SPTLC2: variants seen among roughly 807,000 people sequenced by gnomAD.
The protein encoded by SPTLC2 is serine palmitoyltransferase 2.
A neutral mutation model predicts 62.0 loss-of-function variants in SPTLC2; 21 were observed. The observed-to-expected ratio is 0.34, with a 90% CI of 0.24 to 0.49. The LOEUF (loss-of-function observed/expected upper bound fraction) is 0.49, where lower values mean the gene tolerates loss of function less well. Among genes scored for constraint, SPTLC2 ranks in the 20% least tolerant of loss-of-function variants. The pLI, the probability that SPTLC2 is intolerant of heterozygous loss-of-function variation, is 0.99. For missense variants in SPTLC2, 511 were observed against 713.0 expected, an observed-to-expected ratio of 0.72 and a Z score of 3.23; for synonymous variants, 261 against 261.8, an observed-to-expected ratio of 1.00 and a Z score of 0.03.
chr14:77,557,262 A>T, intron 6 of SPTLC2, 116 bp from the exon 7 acceptor site: 1 of 938,288 alleles, frequency 1.1e-6, no homozygotes. Flanking sequence ...CAAAGGACAT[A>T]ATTAGAGTTG....
chr14:77,517,597 G>A (rs183607571), intron 11 of SPTLC2, among the ~76,000 whole-genome samples: 1 of 152,292 alleles, frequency 6.6e-6, no homozygotes, highest in Admixed American at 6.5e-5. Context: ...TTTAGTAAGG[G>A]AGAATCTCAG....
At chr14:77,527,945 T>A (rs758269555) in intron 9 of SPTLC2, among the ~76,000 whole-genome samples, 2 of 152,216 alleles carry the variant, frequency 1.3e-5, no homozygotes, top group Non-Finnish European at 2.9e-5. Flanking sequence ...AACAAAAACA[T>A]GTTTGAGCCT....
intron 4 of SPTLC2, among the ~76,000 whole-genome samples, chr14:77,571,821 C>T (rs968026316): frequency 6.6e-6 from 1 of 152,046 alleles, no homozygotes; most frequent in African/African-American, 2.4e-5. Flanking sequence ...GAGAGAGTCT[C>T]GCACTGTCGC....
chr14:77,513,085 G>C (rs2079341443), intron 11 of SPTLC2, among the ~76,000 whole-genome samples: 1 of 133,978 alleles, frequency 7.5e-6, no homozygotes, highest in African/African-American at 2.8e-5. Context: ...GAGTACAGTG[G>C]CACCATCTCG....
Position 77,563,892 on chromosome 14 carries a change from G to T in SPTLC2, c.757-1403C>A, listed in dbSNP as rs116131182. Reference sequence around the variant, plus strand: ...GAAACTTGTAACAGTAGTTGTGTTTGAAATTTTTATTATGCACATAGTATT... The same window carrying T: ...GAAACTTGTAACAGTAGTTGTGTTTTAAATTTTTATTATGCACATAGTATT... On this transcript the variant is annotated intron_variant, in intron 5 of 11. Coordinates refer to ENST00000216484, the MANE Select transcript of SPTLC2 (RefSeq NM_004863.4). Among the ~76,000 whole-genome samples, 1,430 of 152,234 alleles carry T rather than the reference G, an allele frequency of 9.4e-3. 22 individuals carry two copies. The highest frequency in any genetic ancestry group is 0.033 in the African/African-American group (1,354 of 41,526).
intron 9 of SPTLC2, among the ~76,000 whole-genome samples, chr14:77,531,127 C>T (rs1474846426): frequency 6.6e-6 from 1 of 152,146 alleles, no homozygotes; most frequent in Admixed American, 6.6e-5. Flanking sequence ...CTGCATCTTC[C>T]AAAGAGGGCA....
At chr14:77,515,923 G>A (rs924047589) in intron 11 of SPTLC2, among the ~76,000 whole-genome samples, 4 of 127,274 alleles carry the variant, frequency 3.1e-5, no homozygotes, top group African/African-American at 7.9e-5. Context: ...GTGTATAAAA[G>A]CACTAATTTT....
At position 77,591,714 on chromosome 14, in the gene SPTLC2, G is replaced by GTATA. The variant is rs1223879478; in HGVS notation, c.327+5471_327+5472insTATA. ...CTTCTGTATGTATGTATGTATGTAT[G>GTATA]TATGTATGTATGTATGTATTTATTT... On this transcript the variant is annotated intron_variant, in intron 2 of 11. Coordinates refer to ENST00000216484, the MANE Select transcript of SPTLC2 (RefSeq NM_004863.4). 2.8e-5 allele frequency among the ~76,000 whole-genome samples: 4 copies of GTATA among 143,278 alleles called. No homozygotes were observed. The East Asian group carries it at 7.9e-4, about 28-fold the overall frequency. The allele number at this position is 143,278 out of a possible 152,430, so 94.0% of individuals were successfully genotyped here.
In SPTLC2 at chr14:77,521,478, C is replaced by T. The variant is rs1414279990; in HGVS notation, c.1407G>A (p.Val469=). 6.2e-7 allele frequency: 1 copy of T among 1,614,170 alleles called. No individual in the cohort carries two copies. Among genetic ancestry groups the T allele is most frequent in the East Asian group, 2.2e-5 (1 of 44,872 alleles). ...IIYGNEDSPV[V]PLMLYMPAKI... The stretch of plus-strand genomic sequence containing the variant: ...TGGCAGGCATGTAGAGCATCAAAGG[C>T]ACTACTGGAGAGTCTTCATTTCCAT... The change falls in exon 10 of 12, where the codon GTG becomes GTA. Residue 469 remains valine, a synonymous_variant. Coordinates refer to ENST00000216484, the MANE Select transcript of SPTLC2 (RefSeq NM_004863.4).
At chr14:77,567,800 T>C (rs910465016) in intron 5 of SPTLC2, among the ~76,000 whole-genome samples, 2 of 31,390 alleles carry the variant, frequency 6.4e-5, no homozygotes, top group African/African-American at 1.3e-4. Context: ...TAATTTGTTT[T>C]TCTTTTTCTA....
At chr14:77,518,006 A>C (rs1479926146) in intron 11 of SPTLC2, 32 bp downstream of exon 11, 9 of 1,614,064 alleles carry the variant, frequency 5.6e-6, no homozygotes, top group Non-Finnish European at 6.8e-6. Context: ...AATAAAAGGC[A>C]TATTTATATC....
chr14:77,568,955 AT>A lies in SPTLC2; in HGVS notation c.756+1428del, dbSNP rs371200327. ...TATGCCAGAGGTTACAATTTTTTGA[AT>A]TGCAAAATCAGACCCTGGCGATGAC... On this transcript the variant is annotated intron_variant, in intron 5 of 11. Coordinates refer to ENST00000216484, the MANE Select transcript of SPTLC2 (RefSeq NM_004863.4). 1.7e-3 allele frequency among the ~76,000 whole-genome samples: 261 copies of A among 152,290 alleles called. 2 individuals are homozygous for A. Among genetic ancestry groups the A allele is most frequent in the Admixed American group, 0.013 (202 of 15,296 alleles).
At chr14:77,532,725 A>C (rs1270848400) in intron 9 of SPTLC2, among the ~76,000 whole-genome samples, 3 of 152,108 alleles carry the variant, frequency 2.0e-5, no homozygotes, top group South Asian at 2.1e-4. Context: ...CGGAGCTTGC[A>C]GTGAGCCGAG....
chr14:77,529,620 C>CTTTTTT (rs71452856), intron 9 of SPTLC2, among the ~76,000 whole-genome samples: 215 of 76,036 alleles, frequency 2.8e-3, no homozygotes, highest in Middle Eastern at 7.5e-3. Context: ...TTCTTTCTTT[C>CTTTTTT]TTTTTTTTTT....
chr14:77,518,595 T>TAAAA (rs2079370516), intron 10 of SPTLC2, among the ~76,000 whole-genome samples: 1 of 16,180 alleles, frequency 6.2e-5, no homozygotes. Context: ...AGGCTCTGTC[T>TAAAA]CAAAAAAAAA....
At chr14:77,512,520 C>T (rs1324018941) in intron 11 of SPTLC2, 117 bp from the exon 12 acceptor site, 4 of 1,476,664 alleles carry the variant, frequency 2.7e-6, no homozygotes, top group Middle Eastern at 1.7e-4. Context: ...GGACTTATGT[C>T]TAGTGCATTT....
chr14:77,555,063 T>G, intron 8 of SPTLC2: 1 of 542,814 alleles, frequency 1.8e-6, no homozygotes. Context: ...GGGTATTCTA[T>G]ATCTCAGATC....
At chr14:77,562,514 G>C (rs374050840) in intron 5 of SPTLC2, 25 bp from the exon 6 acceptor site, 1 of 1,597,050 alleles carries the variant, frequency 6.3e-7, no homozygotes, top group Non-Finnish European at 8.6e-7. Context: ...GAACAGAAAG[G>C]TAAGAAGCTG....
In SPTLC2 at chr14:77,511,082, A is replaced by G. The variant is rs1371084946; in HGVS notation, c.*1202T>C. Reference sequence around the variant, plus strand: ...AGAATTTCTCAGAAAAAAATAAAAAATATGTAGACAGGCAGACCCTAGCCC... The same window carrying G: ...AGAATTTCTCAGAAAAAAATAAAAAGTATGTAGACAGGCAGACCCTAGCCC... On this transcript the variant is annotated 3_prime_UTR_variant, in exon 12 of 12. Transcript: ENST00000216484. 1 of 152,248 alleles carries G rather than the reference A, an allele frequency of 6.6e-6. No individual in the cohort carries two copies. Among genetic ancestry groups the G allele is most frequent in the African/African-American group, 2.4e-5 (1 of 41,450 alleles). The allele number at this position is 152,248 out of a possible 1,614,324, so 9.4% of individuals were successfully genotyped here.
Sources: gnomAD v4.1 joint callset for allele counts (sites outside exome capture counted in the v4.1 genomes callset) on GRCh38, gnomAD v4.1.1 for gene constraint, MANE v1.5 for transcripts, NCBI Gene and HGNC (gene_info 2026-07-23, HGNC 2026-07-21) for gene names.